The following ZNF83 variants were observed in gnomAD, a reference collection of about 807,000 sequenced individuals.
The protein encoded by ZNF83 is zinc finger protein 83, also known as zinc finger protein 816B.
For missense variants in ZNF83, 552 were observed against 629.9 expected (o/e 0.88, Z 1.32); for synonymous variants, 209 against 213.0 (o/e 0.98, Z 0.17).
intron 1 of ZNF83, among the ~76,000 whole-genome samples, chr19:52,687,204 T>C (rs2062031256): frequency 6.8e-6 from 1 of 146,178 alleles, no homozygotes; most frequent in African/African-American, 2.5e-5. Context: ...AAAAGTACTA[T>C]GTAGGCCAGG....
chr19:52,660,919 C>T (rs10415801), intron 1 of ZNF83: 39,270 of 152,818 alleles, frequency 0.26, 5,297 homozygotes, highest in Middle Eastern at 0.35. Context: ...TGATGGGGTT[C>T]AGTGACATGA....
chr19:52,667,044 AG>A (rs1270925490), intron 1 of ZNF83, among the ~76,000 whole-genome samples: 2 of 152,204 alleles, frequency 1.3e-5, no homozygotes, highest in Admixed American at 6.5e-5. Flanking sequence ...GGACTGAACA[AG>A]GTCTTATTAA....
intron 2 of ZNF83, chr19:52,617,382 G>A (rs112796302): frequency 6.6e-6 from 1 of 152,160 alleles, no homozygotes; most frequent in African/African-American, 2.4e-5. Context: ...AGTAGCATGG[G>A]GACTGAGTAC....
chr19:52,689,443 TCTCC>T (rs1306098300), intron 1 of ZNF83, among the ~76,000 whole-genome samples: 158 of 152,012 alleles, frequency 1.0e-3, no homozygotes, highest in Middle Eastern at 3.4e-3. Context: ...CTGCTGTGCT[TCTCC>T]CTCTGTTCTC....
At chr19:52,688,624 T>C (rs1037211397) in intron 1 of ZNF83, among the ~76,000 whole-genome samples, 3 of 152,070 alleles carry the variant, frequency 2.0e-5, no homozygotes, top group African/African-American at 7.2e-5. Flanking sequence ...CCTTCTTCAC[T>C]CTATTCCTTC....
chr19:52,665,040 A>G (rs543792123), intron 1 of ZNF83, among the ~76,000 whole-genome samples: 1 of 152,230 alleles, frequency 6.6e-6, no homozygotes, highest in South Asian at 2.1e-4. Flanking sequence ...AATGCAAACT[A>G]GAATGCGAAA....
intron 1 of ZNF83, among the ~76,000 whole-genome samples, chr19:52,684,739 G>A (rs2061985446): frequency 1.3e-5 from 2 of 152,120 alleles, no homozygotes. Context: ...ATCATTTAGG[G>A]ACATAGGGTA....
upstream of ZNF83, among the ~76,000 whole-genome samples, chr19:52,640,910 G>A (rs1360132577): frequency 6.6e-6 from 1 of 152,100 alleles, no homozygotes; most frequent in Non-Finnish European, 1.5e-5. Flanking sequence ...GTGATATTAG[G>A]GGTAATATCA....
intron 1 of ZNF83, among the ~76,000 whole-genome samples, chr19:52,668,827 G>A (rs2061686897): frequency 6.6e-6 from 1 of 152,168 alleles, no homozygotes; most frequent in African/African-American, 2.4e-5. Context: ...CCAGGTGTGG[G>A]CTGGATGCTA....
chr19:52,615,854 T>G (rs2060285076), intron 2 of ZNF83, among the ~76,000 whole-genome samples: 1 of 152,244 alleles, frequency 6.6e-6, no homozygotes, highest in Non-Finnish European at 1.5e-5. Flanking sequence ...TTTTTTCTTT[T>G]TGAGACGAAG....
intron 1 of ZNF83, among the ~76,000 whole-genome samples, chr19:52,681,053 G>C (rs1451949018): frequency 1.3e-5 from 2 of 151,842 alleles, no homozygotes; most frequent in African/African-American, 4.8e-5. Context: ...GGGAGGCCAA[G>C]CCGGGCAGAT....
At chr19:52,644,294 A>G (rs1600221571) in intron 3 of ZNF83, among the ~76,000 whole-genome samples, 1 of 151,938 alleles carries the variant, frequency 6.6e-6, no homozygotes, top group African/African-American at 2.4e-5. Flanking sequence ...TATTTTGCCA[A>G]TCATTTCAGG....
At chr19:52,613,878 T>G in exon 3 of ZNF83, 1 of 1,614,202 alleles carries the variant, frequency 6.2e-7, no homozygotes, top group Non-Finnish European at 8.5e-7. Flanking sequence ...AAGGTTTTTC[T>G]CCAGTATGAA....
intron 1 of ZNF83, among the ~76,000 whole-genome samples, chr19:52,687,637 A>ATATATATATATATAATG (rs2062066589): frequency 5.8e-5 from 1 of 17,346 alleles, no homozygotes; most frequent in East Asian, 7.1e-4. Flanking sequence ...TATAATGTAT[A>ATATATATATATATAATG]TATATATATA....
intron 1 of ZNF83, among the ~76,000 whole-genome samples, chr19:52,684,059 C>T (rs933462319): frequency 6.6e-6 from 1 of 152,090 alleles, no homozygotes; most frequent in African/African-American, 2.4e-5. Context: ...CATGGTGAAA[C>T]CCTGTCTCTA....
chr19:52,614,924 C>T, intron 2 of ZNF83, 127 bp from the exon 3 acceptor site: 3 of 952,164 alleles, frequency 3.2e-6, no homozygotes, highest in Non-Finnish European at 4.1e-6. Context: ...AACTCCCATT[C>T]ATGATTTTTA....
At chr19:52,669,724 C>A (rs927997841) in intron 1 of ZNF83, among the ~76,000 whole-genome samples, 4 of 152,110 alleles carry the variant, frequency 2.6e-5, no homozygotes, top group African/African-American at 7.2e-5. Flanking sequence ...AGAATAGTAG[C>A]CTCAATTCTT....
chr19:52,612,992 G>A (rs772811659), exon 3 of ZNF83: 12 of 1,544,134 alleles, frequency 7.8e-6, no homozygotes, highest in South Asian at 1.3e-5. Context: ...AGGCTTTAAT[G>A]CTAACTGAAC....
chr19:52,634,555 C>G (rs2061082709), intron 2 of ZNF83, among the ~76,000 whole-genome samples: 1 of 152,134 alleles, frequency 6.6e-6, no homozygotes, highest in Admixed American at 6.5e-5. Context: ...ACTTTCCATT[C>G]TAATTAGTAA....
Sources: allele counts gnomAD v4.1 joint callset (sites outside exome capture counted in the v4.1 genomes callset), GRCh38; gene constraint gnomAD v4.1.1; transcripts MANE v1.5; gene names NCBI Gene and HGNC (gene_info 2026-07-23, HGNC 2026-07-21).